The following EGF variants were observed in gnomAD, a reference collection of about 807,000 sequenced individuals.
The protein encoded by EGF is epidermal growth factor.
Under a neutral mutation model 143.8 loss-of-function variants are expected in EGF, and 95 were observed. The observed-to-expected ratio is 0.66, with a 90% confidence interval of 0.56 to 0.78. The LOEUF (loss-of-function observed/expected upper bound fraction) is 0.78. EGF is among the 30% of genes least tolerant of loss of function. The probability of loss-of-function intolerance (pLI) is 0.00; values close to 1 mark genes in which losing one functional copy is unlikely to be tolerated. For missense variants in EGF, 1,320 were observed against 1,470.9 expected, an observed-to-expected ratio of 0.90 and a Z score of 1.68; for synonymous variants, 510 against 510.5, an observed-to-expected ratio of 1.00 and a Z score of 0.01.
At position 109,994,818 on chromosome 4, in the gene EGF, T is replaced by A. The variant is rs11569086; in HGVS notation, c.2943T>A (p.Asp981Glu). 98 of 1,614,182 alleles carry A rather than the reference T, an allele frequency of 6.1e-5. No homozygotes were observed. In the African/African-American group the frequency reaches 1.1e-3, roughly 17 times the overall value. ...ACTCTGAATGTCCCCTGTCCCACGA[T>A]GGGTACTGCCTCCATGATGGTGTGT... The part of the protein sequence containing the change: ...NSDSECPLSH[D>E]GYCLHDGVCM... Residue 981 changes from aspartate (D) to glutamate (E), a missense_variant, in exon 20 of 24, where the codon GAT (aspartate) becomes GAA (glutamate). Asp to Glu is a conservative substitution (Grantham distance 45). Transcript: ENST00000265171.
chr4:109,961,045 T>C, intron 7 of EGF, 56 bp downstream of exon 7: 2 of 1,598,904 alleles, frequency 1.3e-6, no homozygotes, highest in Non-Finnish European at 1.7e-6. Flanking sequence ...TCAATATGTT[T>C]CTAAGGTGGC....
chr4:109,951,893 G>C (rs1743988368), intron 5 of EGF, among the ~76,000 whole-genome samples: 1 of 152,102 alleles, frequency 6.6e-6, no homozygotes, highest in African/African-American at 2.4e-5. Context: ...TGGTAGTTAA[G>C]TGCTTCAGTT....
intron 13 of EGF, 140 bp from the exon 14 acceptor site, chr4:109,979,832 G>A (rs1749064365): frequency 1.1e-6 from 1 of 924,308 alleles, no homozygotes; most frequent in Non-Finnish European, 1.7e-6. Flanking sequence ...GTGTGAGTCG[G>A]TGGCTCACTC....
At chr4:109,964,968 G>A (rs1746310997) in intron 10 of EGF, among the ~76,000 whole-genome samples, 1 of 152,104 alleles carries the variant, frequency 6.6e-6, no homozygotes, top group African/African-American at 2.4e-5. Flanking sequence ...TGTCTTTTGA[G>A]GGAGGAGATT....
chr4:109,988,530 C>G, intron 17 of EGF, 54 bp from the exon 18 acceptor site: 1 of 1,612,172 alleles, frequency 6.2e-7, no homozygotes. Flanking sequence ...CCAACTAGTC[C>G]CATTTATATC....
At position 109,925,608 on chromosome 4, in the gene EGF, C is replaced by G. The variant is rs559897746; in HGVS notation, c.127+12146C>G. 3.2e-4 allele frequency among the ~76,000 whole-genome samples: 48 copies of G among 152,260 alleles called. 1 individual carries two copies. The highest frequency in any genetic ancestry group is 6.0e-4 in the Non-Finnish European group (41 of 68,022). ...CAATAAAGAGTCAACATGAGTACTC[C>G]GTCTCCAATGCCAGTAATCTTAGCC... On this transcript the variant is annotated intron_variant, in intron 1 of 23. Coordinates refer to ENST00000265171, the MANE Select transcript of EGF (RefSeq NM_001963.6).
chr4:109,943,212 TG>T (rs1192781660), intron 2 of EGF, 41 bp from the exon 3 acceptor site: 23 of 1,337,872 alleles, frequency 1.7e-5, no homozygotes, highest in Non-Finnish European at 2.0e-5. Context: ...TTGTTGTGAA[TG>T]GGGGAAGTAT....
intron 5 of EGF, among the ~76,000 whole-genome samples, chr4:109,955,044 A>G (rs542282819): frequency 1.8e-4 from 27 of 152,336 alleles, no homozygotes; most frequent in African/African-American, 5.5e-4. Context: ...GTTTGAATGG[A>G]AGAGACTAGA....
At chr4:109,984,371 C>G (rs1410635342) in intron 16 of EGF, among the ~76,000 whole-genome samples, 3 of 152,032 alleles carry the variant, frequency 2.0e-5, no homozygotes, top group Admixed American at 6.6e-5. Flanking sequence ...TCTTACCTCA[C>G]CTTATCAGTG....
intron 1 of EGF, among the ~76,000 whole-genome samples, chr4:109,930,998 T>C (rs1409554986): frequency 6.6e-6 from 1 of 152,254 alleles, no homozygotes; most frequent in Non-Finnish European, 1.5e-5. Context: ...ATTTTGTATG[T>C]ACTTCCCCCC....
chr4:109,954,235 A>G (rs556246195), intron 5 of EGF, among the ~76,000 whole-genome samples: 13 of 152,244 alleles, frequency 8.5e-5, no homozygotes, highest in Non-Finnish European at 1.8e-4. Context: ...TATTTTTAGT[A>G]GAGATGGGGT....
chr4:109,979,902 C>A (rs1749073979), intron 13 of EGF, 70 bp from the exon 14 acceptor site: 9 of 1,576,734 alleles, frequency 5.7e-6, no homozygotes, highest in African/African-American at 1.3e-5. Context: ...AAATTTCAAG[C>A]CTTGTCCTTT....
chr4:109,949,106 G>A (rs1034988037), intron 5 of EGF, among the ~76,000 whole-genome samples: 2 of 151,604 alleles, frequency 1.3e-5, no homozygotes, highest in East Asian at 1.9e-4. Flanking sequence ...TCGCTCTATC[G>A]CCGAGGCTGG....
At chr4:109,989,632 C>A (rs1750653212) in intron 18 of EGF, among the ~76,000 whole-genome samples, 1 of 152,208 alleles carries the variant, frequency 6.6e-6, no homozygotes, top group South Asian at 2.1e-4. Flanking sequence ...CTTTTAAGCA[C>A]ATATTTGGCT....
chr4:109,988,460 T>G, intron 17 of EGF, 124 bp from the exon 18 acceptor site: 1 of 1,433,694 alleles, frequency 7.0e-7, no homozygotes, highest in South Asian at 1.2e-5. Flanking sequence ...TGCCTGATGT[T>G]GGCAACAGCA....
chr4:109,985,880 A>C (rs1256803780), intron 16 of EGF, among the ~76,000 whole-genome samples: 1 of 152,222 alleles, frequency 6.6e-6, no homozygotes, highest in African/African-American at 2.4e-5. Flanking sequence ...GGTCTCTTCT[A>C]GTGTGATAAG....
At chr4:109,973,856 T>C (rs1440470887) in intron 11 of EGF, among the ~76,000 whole-genome samples, 1 of 152,196 alleles carries the variant, frequency 6.6e-6, no homozygotes, top group African/African-American at 2.4e-5. Context: ...AAGAATTTTC[T>C]ACCCTGCCAG....
In EGF at chr4:109,940,986, C is replaced by G; in HGVS notation, c.168C>G (p.Ile56Met). ...TAATTTTCTCCCATGGAAATAGTATCTTTAGGATTGACACAGAAGGAACCA... is the reference window on the plus strand; with the variant it reads ...TAATTTTCTCCCATGGAAATAGTATGTTTAGGATTGACACAGAAGGAACCA... ...PFLIFSHGNS[I>M]FRIDTEGTNY... The change falls in exon 2 of 24, where the codon ATC becomes ATG. Residue 56 changes from isoleucine (I) to methionine (M), a missense_variant. Around this residue, in one of 5 missense-constraint regions of EGF, gnomAD observed 79 missense variants for 71.2 expected, o/e 1.11. Transcript: ENST00000265171. 1 of 1,614,022 alleles carries G rather than the reference C, an allele frequency of 6.2e-7. No individual in the cohort carries two copies.
intron 11 of EGF, among the ~76,000 whole-genome samples, 163 bp downstream of exon 11, chr4:109,969,282 C>T (rs905264918): frequency 6.6e-6 from 1 of 152,186 alleles, no homozygotes; most frequent in African/African-American, 2.4e-5. Context: ...CCTCCACTTC[C>T]TCCTTTCATC....
Sources: gnomAD v4.1 joint callset for allele counts (sites outside exome capture counted in the v4.1 genomes callset) on GRCh38, gnomAD v4.1.1 for gene constraint, gnomAD v4.1.1 regional missense constraint, MANE v1.5 for transcripts, NCBI Gene and HGNC (gene_info 2026-07-23, HGNC 2026-07-21) for gene names.